The following ICA1L variants were observed in gnomAD, a reference collection of about 807,000 sequenced individuals.
The protein encoded by ICA1L is islet cell autoantigen 1 like, also known as islet cell autoantigen 1-like protein.
In ICA1L, 50 loss-of-function variants were observed where a neutral mutation model predicts 61.3. That is an observed-to-expected ratio of 0.82 (90% confidence interval 0.65 to 1.03). The LOEUF is 1.03. Among genes scored for constraint, ICA1L ranks in the 50% least tolerant of loss-of-function variants. The pLI, the probability that ICA1L is intolerant of heterozygous loss-of-function variation, is 0.00. For missense variants in ICA1L, 508 were observed against 556.7 expected (o/e 0.91, Z 0.88); for synonymous variants, 161 against 191.3 (o/e 0.84, Z 1.31).
At chr2:202,869,274 C>A (rs920057414) in intron 1 of ICA1L, among the ~76,000 whole-genome samples, 19 of 152,108 alleles carry the variant, frequency 1.2e-4, no homozygotes, top group Admixed American at 3.3e-4. Flanking sequence ...AGGAGAATGG[C>A]GTGAACCCGG....
At chr2:202,781,529 G>A (rs1692404397) in intron 12 of ICA1L, among the ~76,000 whole-genome samples, 1 of 148,908 alleles carries the variant, frequency 6.7e-6, no homozygotes, top group Non-Finnish European at 1.5e-5. Context: ...AGCCAAGATT[G>A]CACCACTGCA....
chr2:202,861,554 C>T (rs1317126232), intron 1 of ICA1L, among the ~76,000 whole-genome samples: 1 of 151,766 alleles, frequency 6.6e-6, no homozygotes, highest in Non-Finnish European at 1.5e-5. Flanking sequence ...GGACTTAACA[C>T]TGCCCCCAGA....
chr2:202,816,746 C>A (rs1350426180), intron 6 of ICA1L, among the ~76,000 whole-genome samples: 1 of 152,158 alleles, frequency 6.6e-6, no homozygotes, highest in Non-Finnish European at 1.5e-5. Context: ...GTTTATTACT[C>A]TTTTCTTATG....
intron 10 of ICA1L, among the ~76,000 whole-genome samples, chr2:202,794,673 A>G (rs756862241): frequency 2.2e-4 from 34 of 152,208 alleles, no homozygotes; most frequent in Non-Finnish European, 4.7e-4. Flanking sequence ...AACATGCGAA[A>G]GTGAATAGCA....
chr2:202,862,068 G>C (rs1405265109), intron 1 of ICA1L, among the ~76,000 whole-genome samples: 1 of 147,882 alleles, frequency 6.8e-6, no homozygotes, highest in Non-Finnish European at 1.5e-5. Flanking sequence ...CACCGAAACA[G>C]ACCATATGCT....
intron 1 of ICA1L, among the ~76,000 whole-genome samples, chr2:202,866,824 G>A (rs1046805049): frequency 2.0e-5 from 3 of 152,088 alleles, no homozygotes; most frequent in Non-Finnish European, 4.4e-5. Flanking sequence ...GCAGGCTCCT[G>A]TAGTCCCAAC....
At chr2:202,792,509 A>C (rs1049661318) in intron 10 of ICA1L, among the ~76,000 whole-genome samples, 1 of 152,220 alleles carries the variant, frequency 6.6e-6, no homozygotes, top group Non-Finnish European at 1.5e-5. Context: ...TTGCTTAATA[A>C]AAAGTAATAA....
Position 202,817,516 on chromosome 2 carries a change from C to T in ICA1L, c.586G>A (p.Ala196Thr), listed in dbSNP as rs754046074. Residue 196 changes from alanine to threonine, a missense_variant, in exon 6 of 13, where the codon GCT becomes ACT. Ala to Thr is a moderately conservative substitution (Grantham distance 58). Transcript: ENST00000358299. ...TCCATCTTTAACTTGTCAAAAGAAG[C>T]TTTGCTATTTCTCACTTGCATCTGT... ...KVQMQVRNSKASFDKLKMDVC... is the reference protein window; with the variant it reads ...KVQMQVRNSKTSFDKLKMDVC... The T allele has an allele frequency of 6.2e-6, 10 of 1,609,566 alleles. 1 individual carries two copies. The Admixed American group carries it at 1.2e-4, about 19-fold the overall frequency.
intron 11 of ICA1L, chr2:202,786,674 A>C (rs148712377): frequency 2.9e-5 from 13 of 446,160 alleles, no homozygotes; most frequent in Non-Finnish European, 5.4e-5. Context: ...ATATGCTCAT[A>C]CCCTTGGACT....
chr2:202,834,023 T>TTC (rs1196259415), intron 1 of ICA1L, among the ~76,000 whole-genome samples: 8 of 152,192 alleles, frequency 5.3e-5, no homozygotes, highest in African/African-American at 1.9e-4. Context: ...ATGTATTATA[T>TTC]TCTTGGAGAT....
At chr2:202,833,519 A>T (rs1368413498) in intron 1 of ICA1L, among the ~76,000 whole-genome samples, 2 of 152,210 alleles carry the variant, frequency 1.3e-5, no homozygotes, top group Non-Finnish European at 2.9e-5. Context: ...CAGGAGTTTG[A>T]GGCTGCAGTG....
At chr2:202,805,729 A>C (rs974537452) in intron 9 of ICA1L, among the ~76,000 whole-genome samples, 3 of 152,358 alleles carry the variant, frequency 2.0e-5, no homozygotes, top group East Asian at 3.9e-4. Context: ...GGCAAGATTA[A>C]TCAAGAAAAA....
intron 1 of ICA1L, among the ~76,000 whole-genome samples, chr2:202,853,396 A>T (rs1443002460): frequency 7.2e-5 from 11 of 152,112 alleles, no homozygotes; most frequent in East Asian, 1.9e-4. Flanking sequence ...ACCTAAAACC[A>T]TAAAAACCCT....
At position 202,816,013 on chromosome 2, in the gene ICA1L, C is replaced by CA. The variant is rs1200941745; in HGVS notation, c.685-5dup. 2.1e-5 allele frequency: 33 copies of CA among 1,575,794 alleles called. No homozygotes were observed. Among genetic ancestry groups the CA allele is most frequent in the Non-Finnish European group, 2.7e-5 (31 of 1,162,796 alleles). On this transcript the variant is annotated splice_region_variant and splice_polypyrimidine_tract_variant and intron_variant, in intron 6 of 12. Coordinates refer to ENST00000358299, the MANE Select transcript of ICA1L (RefSeq NM_001288622.3). The stretch of plus-strand genomic sequence containing the variant: ...TCCAGAATCCAAGCAGTGTTCTCTG[C>CA]AAAAAAAGAAAAGGTGACACTACAG...
Position 202,814,566 on chromosome 2 carries a change from C to T in ICA1L, c.866+136G>A, listed in dbSNP as rs1574347794. ...TAGCAACACAAAACAGACTATGATA[C>T]AAATGTTTAGTGTTGATTGGAAAAA... On this transcript the variant is annotated intron_variant, in intron 8 of 12. Coordinates refer to ENST00000358299, the MANE Select transcript of ICA1L (RefSeq NM_001288622.3). 1.4e-5 allele frequency: 9 copies of T among 642,170 alleles called. No individual in the cohort carries two copies. In the East Asian group the frequency reaches 1.9e-4, roughly 14 times the overall value. The allele number at this position is 642,170 out of a possible 1,614,324, so 39.8% of individuals were successfully genotyped here. A position where few individuals can be genotyped will look rare whatever the true frequency, so the allele number is the denominator to read the frequency against.
chr2:202,817,325 T>A (rs375472552), intron 6 of ICA1L, 93 bp downstream of exon 6: 73 of 1,151,694 alleles, frequency 6.3e-5, no homozygotes, highest in East Asian at 6.1e-4. Context: ...AATCTAATCA[T>A]ACATAAATTT....
chr2:202,796,845 A>G (rs1241058219), intron 10 of ICA1L, 45 bp downstream of exon 10: 2 of 1,154,102 alleles, frequency 1.7e-6, no homozygotes, highest in South Asian at 2.9e-5. Flanking sequence ...TAAAAATTGA[A>G]GAATTTTAAA....
At position 202,777,658 on chromosome 2, in the gene ICA1L, A is replaced by G. The variant is rs765895912; in HGVS notation, c.*1875T>C. 3.3e-5 allele frequency: 5 copies of G among 152,266 alleles called. No homozygotes were observed. Among genetic ancestry groups the G allele is most frequent in the Admixed American group, 6.5e-5 (1 of 15,288 alleles). 9.4% of individuals were successfully genotyped at this position (152,266 alleles called of 1,614,324 possible). On this transcript the variant is annotated 3_prime_UTR_variant, in exon 13 of 13. Coordinates refer to ENST00000358299, the MANE Select transcript of ICA1L (RefSeq NM_001288622.3). ...CCTTCAGATAAGGTCTTTCCAGCCT[A>G]TACTGTACTTGGCCATTGTAGTAGT...
chr2:202,841,453 T>C, intron 1 of ICA1L: 2 of 1,103,178 alleles, frequency 1.8e-6, no homozygotes, highest in Admixed American at 1.7e-5. Flanking sequence ...CTCCAGGAAT[T>C]GTACCTTGTC....
Sources: gnomAD v4.1 joint callset for allele counts (sites outside exome capture counted in the v4.1 genomes callset) on GRCh38, gnomAD v4.1.1 for gene constraint, MANE v1.5 for transcripts, NCBI Gene and HGNC (gene_info 2026-07-23, HGNC 2026-07-21) for gene names.